IPO5: variants seen among roughly 807,000 people sequenced by gnomAD.
IPO5 encodes the protein importin-5.
IPO5 carries 18 observed loss-of-function variants against 143.3 expected under a neutral mutation model. That is an observed-to-expected ratio of 0.13 (90% CI 0.09 to 0.19). The LOEUF (loss-of-function observed/expected upper bound fraction) is 0.19. Among genes scored for constraint, IPO5 ranks in the 10% least tolerant of loss-of-function variants. The probability of loss-of-function intolerance (pLI) is 1.00; values close to 1 mark genes in which losing one functional copy is unlikely to be tolerated. For synonymous variants in IPO5, 477 were observed against 465.7 expected, an observed-to-expected ratio of 1.02 and a Z score of -0.31; for missense variants, 1,013 against 1,336.9, an observed-to-expected ratio of 0.76 and a Z score of 3.78.
chr13:97,960,375 T>A (rs1456397297), intron 2 of IPO5: 1 of 152,150 alleles, frequency 6.6e-6, no homozygotes, highest in Non-Finnish European at 1.5e-5. Context: ...AGGTTATGAA[T>A]GGTTATCACT....
intron 22 of IPO5, among the ~76,000 whole-genome samples, chr13:98,015,247 T>TGTGTGC (rs1890046065): frequency 6.6e-6 from 1 of 151,044 alleles, no homozygotes; most frequent in African/African-American, 2.4e-5. Context: ...GCTGGTTGTG[T>TGTGTGC]GTGTGTGTGT....
chr13:97,976,665 C>G, intron 3 of IPO5, 28 bp from the exon 4 acceptor site: 3 of 1,187,520 alleles, frequency 2.5e-6, no homozygotes, highest in Non-Finnish European at 3.4e-6. Context: ...GCTCCTGTCT[C>G]CCCTCCCTCC....
chr13:97,975,649 C>T (rs1886217863), intron 3 of IPO5: 1 of 152,246 alleles, frequency 6.6e-6, no homozygotes, highest in South Asian at 2.1e-4. Flanking sequence ...CCTCTAGGTT[C>T]CTAGACTGAG....
At position 97,990,487 on chromosome 13, in the gene IPO5, A is replaced by G. The variant is rs1887717021; in HGVS notation, c.619A>G (p.Asn207Asp). 6.2e-7 allele frequency: 1 copy of G among 1,607,412 alleles called. No homozygotes were observed. The highest frequency in any genetic ancestry group is 8.5e-7 in the Non-Finnish European group (1 of 1,178,540). ...TGCATTTATACTTGCAAATGAGCAT[A>G]ATGTTGCTCTGTTCAAACATTTTGC... ...TAAFILANEH[N>D]VALFKHFADL... The change falls in exon 9 of 29, where the codon AAT becomes GAT. Residue 207 changes from asparagine to aspartate, a missense_variant. Asn to Asp is a conservative substitution (Grantham distance 23). Transcript: ENST00000651721.
chr13:98,015,510 TC>T lies in IPO5; in HGVS notation c.2326-19del, dbSNP rs770442726. On this transcript the variant is annotated intron_variant, in intron 22 of 28. Transcript: ENST00000651721. ...ACACCCCAAATCTTATGGATTGCTT[TC>T]TTTCCTCAACCTCATTAGTGCATTG... 26 of 1,435,600 alleles carry T rather than the reference TC, an allele frequency of 1.8e-5. 1 individual carries two copies. In the East Asian group the frequency reaches 4.1e-4, roughly 23 times the overall value. 88.9% of individuals were successfully genotyped at this position (1,435,600 alleles called of 1,614,324 possible).
chr13:97,988,902 AT>A (rs539944628), intron 6 of IPO5, among the ~76,000 whole-genome samples, 159 bp from the exon 7 acceptor site: 79 of 149,672 alleles, frequency 5.3e-4, no homozygotes, highest in Admixed American at 1.1e-3. Context: ...TGCCATTTTT[AT>A]GGCTAAAGGA....
intron 24 of IPO5, among the ~76,000 whole-genome samples, chr13:98,016,012 C>G (rs894153939): frequency 1.3e-5 from 2 of 152,290 alleles, no homozygotes; most frequent in East Asian, 3.9e-4. Context: ...AACAAAACAC[C>G]TTGAGGTTTA....
chr13:97,962,711 C>T (rs1033229741), intron 2 of IPO5, among the ~76,000 whole-genome samples: 2 of 151,636 alleles, frequency 1.3e-5, no homozygotes, highest in African/African-American at 4.8e-5. Flanking sequence ...CCCAGCTGCT[C>T]AGGAGGCTGA....
chr13:98,005,102 G>A (rs1345159928), intron 16 of IPO5, among the ~76,000 whole-genome samples: 1 of 151,412 alleles, frequency 6.6e-6, no homozygotes, highest in Non-Finnish European at 1.5e-5. Flanking sequence ...TCACCATGTT[G>A]GCCAGTCTGT....
chr13:97,997,255 A>T (rs1165194397), intron 11 of IPO5, among the ~76,000 whole-genome samples: 2 of 152,234 alleles, frequency 1.3e-5, no homozygotes, highest in Non-Finnish European at 2.9e-5. Flanking sequence ...AACATTTGTG[A>T]TGTTGCTTCT....
chr13:98,001,195 G>T (rs1888741890), intron 13 of IPO5, among the ~76,000 whole-genome samples: 1 of 151,972 alleles, frequency 6.6e-6, no homozygotes, highest in Non-Finnish European at 1.5e-5. Flanking sequence ...TTATTTCTAT[G>T]AATATTTCAG....
intron 25 of IPO5, among the ~76,000 whole-genome samples, chr13:98,017,260 A>AC (rs1566570957): frequency 6.8e-6 from 1 of 147,830 alleles, no homozygotes. Context: ...ATATATATGT[A>AC]TTTTTTTTTT....
rs572783019 is a variant in IPO5 at position 98,000,795 on chromosome 13, C to G, written c.1108+150C>G. 4.2e-5 allele frequency: 25 copies of G among 598,632 alleles called. No individual in the cohort carries two copies. The East Asian group carries it at 6.7e-4, about 16-fold the overall frequency. The allele number at this position is 598,632 out of a possible 1,614,324, so 37.1% of individuals were successfully genotyped here. A position where few individuals can be genotyped will look rare whatever the true frequency, so the allele number is the denominator to read the frequency against. On this transcript the variant is annotated intron_variant, in intron 13 of 28. Coordinates refer to ENST00000651721, the MANE Select transcript of IPO5 (RefSeq NM_002271.6). ...TCATTTATTTTACCGATAAAATTGT[C>G]AATCCCAAAGAAAATGTACAGATTT...
intron 20 of IPO5, among the ~76,000 whole-genome samples, chr13:98,011,067 G>A (rs973108532): frequency 2.0e-5 from 3 of 151,954 alleles, no homozygotes; most frequent in Middle Eastern, 3.4e-3. Context: ...ACTGCACCTG[G>A]CCAATACTTA....
At position 98,023,732 on chromosome 13, in the gene IPO5, T is replaced by C. The variant is rs1594144313; in HGVS notation, c.*1910T>C. ...TAAGAGCTCTGAAAGAAGCGCTCTG[T>C]TAGATGCAGACTGGCAGCATCCTCC... On this transcript the variant is annotated 3_prime_UTR_variant, in exon 29 of 29. Coordinates refer to ENST00000651721, the MANE Select transcript of IPO5 (RefSeq NM_002271.6). The C allele has an allele frequency of 6.6e-6, 1 of 152,192 alleles. No homozygotes were observed. The highest frequency in any genetic ancestry group is 1.9e-4 in the East Asian group (1 of 5,196). 9.4% of individuals were successfully genotyped at this position (152,192 alleles called of 1,614,324 possible).
At position 97,976,765 on chromosome 13, in the gene IPO5, T is replaced by A; in HGVS notation, c.69T>A (p.Asn23Lys). The change falls in exon 4 of 29, where the codon AAT (asparagine) becomes AAA (lysine). Residue 23 changes from asparagine (N) to lysine (K), a missense_variant. Transcript: ENST00000651721. Reference sequence around the variant, plus strand: ...TGGGAAACCTGCTCAGCCCCGACAATGTGGTCCGGAAACAGGCAGAGGTAA... The same window carrying A: ...TGGGAAACCTGCTCAGCCCCGACAAAGTGGTCCGGAAACAGGCAGAGGTAA... ...LLLGNLLSPD[N>K]VVRKQAEETY... The A allele has an allele frequency of 7.1e-7, 1 of 1,404,534 alleles. No individual in the cohort carries two copies. The highest frequency in any genetic ancestry group is 9.5e-7 in the Non-Finnish European group (1 of 1,053,084). 87.0% of individuals were successfully genotyped at this position (1,404,534 alleles called of 1,614,324 possible).
In IPO5 at chr13:98,024,025, ATTG is replaced by A. The variant is rs1394913745; in HGVS notation, c.*2206_*2208del. On this transcript the variant is annotated 3_prime_UTR_variant, in exon 29 of 29. Coordinates refer to ENST00000651721, the MANE Select transcript of IPO5 (RefSeq NM_002271.6). ...TCTTGCATGTCAGCAAGTGATATAT[ATTG>A]TTTATAAATGCAAGCTATTTCTGGA... is the stretch of plus-strand genomic sequence containing the variant. 2.0e-5 allele frequency: 3 copies of A among 152,252 alleles called. No individual in the cohort carries two copies. In the East Asian group the frequency reaches 5.8e-4, roughly 29 times the overall value. 9.4% of individuals were successfully genotyped at this position (152,252 alleles called of 1,614,324 possible).
rs566943405 is a variant in IPO5, at chr13:98,019,493, A to G, written c.2837-88A>G. ...ACTTTAACATTTCTTTACCATAATC[A>G]ATATCTGAACCAAATACAAAAATAC... On this transcript the variant is annotated intron_variant, in intron 26 of 28. Coordinates refer to ENST00000651721, the MANE Select transcript of IPO5 (RefSeq NM_002271.6). 34 of 882,564 alleles carry G rather than the reference A, an allele frequency of 3.9e-5. No individual in the cohort carries two copies. The South Asian group carries it at 5.0e-4, about 13-fold the overall frequency. The allele number at this position is 882,564 out of a possible 1,614,324, so 54.7% of individuals were successfully genotyped here.
At position 98,021,072 on chromosome 13, in the gene IPO5, AG is replaced by A; in HGVS notation, c.3148del (p.Ala1050GlnfsTer30). 1 of 1,612,024 alleles carries A rather than the reference AG, an allele frequency of 6.2e-7. No homozygotes were observed. The highest frequency in any genetic ancestry group is 8.5e-7 in the Non-Finnish European group (1 of 1,179,336). ...ATAATTGCGGAAGGAGAAATGCACGAGGCAATTAAACATGAAGATCCTTGTG... is the reference window on the plus strand; with the variant it reads ...ATAATTGCGGAAGGAGAAATGCACGAGCAATTAAACATGAAGATCCTTGTG... ...FSIIAEGEMHEAIKHEDPCAK... is the reference protein window; with the variant it reads ...FSIIAEGEMHXAIKHEDPCAK... On this transcript the variant is annotated frameshift_variant, in exon 28 of 29. Coordinates refer to ENST00000651721, the MANE Select transcript of IPO5 (RefSeq NM_002271.6). LOFTEE classifies it high-confidence loss of function.
Sources: gnomAD v4.1 joint callset for allele counts (sites outside exome capture counted in the v4.1 genomes callset) on GRCh38, gnomAD v4.1.1 for gene constraint, MANE v1.5 for transcripts, NCBI Gene and HGNC (gene_info 2026-07-23, HGNC 2026-07-21) for gene names.